The following FBXO42 variants were observed in gnomAD, a reference collection of about 807,000 sequenced individuals.
FBXO42 encodes F-box protein 42, also known as F-box only protein 42.
In FBXO42, 12 loss-of-function variants were observed where a neutral mutation model predicts 71.7. That is an observed-to-expected ratio of 0.17 (90% CI 0.11 to 0.27). FBXO42 has a LOEUF of 0.27. Among genes scored for constraint, FBXO42 ranks in the 10% least tolerant of loss-of-function variants. The pLI is 1.00. For missense variants in FBXO42, 707 were observed against 911.9 expected, an observed-to-expected ratio of 0.78 and a Z score of 2.89; for synonymous variants, 325 against 327.5, an observed-to-expected ratio of 0.99 and a Z score of 0.08.
chr1:16,316,194 A>C (rs1476712604), intron 1 of FBXO42, among the ~76,000 whole-genome samples: 2 of 151,508 alleles, frequency 1.3e-5, no homozygotes, highest in Non-Finnish European at 2.9e-5. Context: ...AAAAGAAAGA[A>C]AGAAAAGAAA....
rs538659496 is a variant in FBXO42 at position 16,258,259 on chromosome 1, C to G, written c.503-1500G>C. On this transcript the variant is annotated intron_variant, in intron 4 of 9. Transcript: ENST00000375592. ...GAGGACTGTCTTTCTTGTGATCTCA[C>G]TTAGGGGAACAATACGATTTACTGA... 1.3e-5 allele frequency among the ~76,000 whole-genome samples: 2 copies of G among 152,228 alleles called. 1 individual carries two copies. Among genetic ancestry groups the G allele is most frequent in the South Asian group, 4.1e-4 (2 of 4,824 alleles).
intron 4 of FBXO42, among the ~76,000 whole-genome samples, chr1:16,259,370 TCA>T: frequency 6.6e-6 from 1 of 152,258 alleles, no homozygotes; most frequent in East Asian, 1.9e-4. Flanking sequence ...AATAAACACA[TCA>T]CAGACTTCAG....
intron 1 of FBXO42, among the ~76,000 whole-genome samples, chr1:16,336,712 G>A (rs914472299): frequency 2.0e-4 from 31 of 151,730 alleles, no homozygotes; most frequent in African/African-American, 7.0e-4. Flanking sequence ...GGCTGGGTGC[G>A]GTGGCTCACG....
At chr1:16,314,631 A>G (rs867096203) in intron 2 of FBXO42, among the ~76,000 whole-genome samples, 2 of 152,188 alleles carry the variant, frequency 1.3e-5, no homozygotes, top group African/African-American at 4.8e-5. Flanking sequence ...GAACAATACA[A>G]TTAATCCATT....
chr1:16,273,919 C>T (rs2081871428), intron 4 of FBXO42, among the ~76,000 whole-genome samples: 1 of 152,096 alleles, frequency 6.6e-6, no homozygotes, highest in African/African-American at 2.4e-5. Context: ...TTAAGAAGCA[C>T]TCATGGTAAT....
Position 16,251,382 on chromosome 1 carries a change from G to T in FBXO42, c.1442C>A (p.Ser481Tyr). 1 of 1,614,110 alleles carries T rather than the reference G, an allele frequency of 6.2e-7. No homozygotes were observed. Among genetic ancestry groups the T allele is most frequent in the Non-Finnish European group, 8.5e-7 (1 of 1,179,960 alleles). Residue 481 changes from serine to tyrosine, a missense_variant, in exon 10 of 10, where the codon TCT becomes TAT. Coordinates refer to ENST00000375592, the MANE Select transcript of FBXO42 (RefSeq NM_018994.3). The surrounding 1 kb of genome is among the most constrained non-coding windows in gnomAD (Gnocchi z 4.5). ...TAGTGATCCTCGTCGGGGGGCCAAA[G>T]AAAGTCCTATTTTCAGGTCGTATCC... ...PEGYDLKIGL[S>Y]LAPRRGSLPD...
chr1:16,318,110 G>A (rs901916242), intron 1 of FBXO42, among the ~76,000 whole-genome samples: 4 of 151,964 alleles, frequency 2.6e-5, no homozygotes, highest in Non-Finnish European at 5.9e-5. Flanking sequence ...GAATACTCAC[G>A]CACTTCTCTA....
intron 4 of FBXO42, among the ~76,000 whole-genome samples, chr1:16,258,786 G>C (rs1180619849): frequency 6.6e-6 from 1 of 152,074 alleles, no homozygotes. Context: ...ACCCAGGCTA[G>C]AGTGCAGTGA....
intron 1 of FBXO42, among the ~76,000 whole-genome samples, chr1:16,318,758 G>A (rs2100584272): frequency 6.6e-6 from 1 of 152,272 alleles, no homozygotes; most frequent in South Asian, 2.1e-4. Flanking sequence ...GCAGGATTGG[G>A]CAAGAGGAGC....
chr1:16,324,256 C>T (rs1339624951), intron 1 of FBXO42, among the ~76,000 whole-genome samples: 3 of 152,038 alleles, frequency 2.0e-5, no homozygotes, highest in African/African-American at 7.2e-5. Context: ...AGCTTGACTG[C>T]TATCAAATAT....
Position 16,305,497 on chromosome 1 carries a change from G to A in FBXO42, c.367+306C>T, listed in dbSNP as rs76388909. Among the ~76,000 whole-genome samples, 31 of 152,260 alleles carry A rather than the reference G, an allele frequency of 2.0e-4. 1 individual carries two copies. The East Asian group carries it at 6.0e-3, about 29-fold the overall frequency. ...TCTGGGAGGCCAAGGCAGGCCTATT[G>A]CTTGAGCTCAGTTCAAGACTAGACT... On this transcript the variant is annotated intron_variant, in intron 3 of 9. Transcript: ENST00000375592.
intron 3 of FBXO42, among the ~76,000 whole-genome samples, chr1:16,296,526 T>C (rs1206231530): frequency 6.6e-5 from 10 of 151,544 alleles, no homozygotes; most frequent in African/African-American, 2.4e-4. Context: ...GGCGCATGCC[T>C]GTAATCCCAG....
At chr1:16,262,430 G>A (rs750195923) in intron 4 of FBXO42, among the ~76,000 whole-genome samples, 1 of 152,158 alleles carries the variant, frequency 6.6e-6, no homozygotes, top group Admixed American at 6.6e-5. Flanking sequence ...GATCACATGG[G>A]GTGTGGTGGC....
intron 4 of FBXO42, among the ~76,000 whole-genome samples, chr1:16,264,108 G>T (rs934914869): frequency 1.3e-5 from 2 of 152,094 alleles, no homozygotes; most frequent in Non-Finnish European, 2.9e-5. Flanking sequence ...ACCATGCCAG[G>T]CCAACAATAA....
rs185734136 is a variant in FBXO42 at position 16,305,646 on chromosome 1, G to A, written c.367+157C>T. Reference sequence around the variant, plus strand: ...GAGGATCACCTGAGCCTGGGGAGGTGGAGGCTGTAGTAAGCTGTGATTATG... The same window carrying A: ...GAGGATCACCTGAGCCTGGGGAGGTAGAGGCTGTAGTAAGCTGTGATTATG... On this transcript the variant is annotated intron_variant, in intron 3 of 9. Transcript: ENST00000375592. 3.9e-5 allele frequency among the ~76,000 whole-genome samples: 6 copies of A among 152,302 alleles called. No individual in the cohort carries two copies. In the East Asian group the frequency reaches 1.2e-3, roughly 29 times the overall value.
chr1:16,321,419 A>G (rs1569920782), intron 1 of FBXO42, among the ~76,000 whole-genome samples: 2 of 152,356 alleles, frequency 1.3e-5, no homozygotes, highest in Middle Eastern at 3.4e-3. Flanking sequence ...TTTCATGCCA[A>G]AAGAAGCCCT....
chr1:16,331,685 C>G (rs970499004), intron 1 of FBXO42, among the ~76,000 whole-genome samples: 7 of 151,126 alleles, frequency 4.6e-5, no homozygotes, highest in Non-Finnish European at 7.4e-5. Context: ...ACTAGGGAGG[C>G]GGAGGTTTCA....
Position 16,315,155 on chromosome 1 carries a change from C to G in FBXO42, c.250+14G>C, listed in dbSNP as rs1301085078. The G allele has an allele frequency of 6.3e-7, 1 of 1,589,304 alleles. No individual in the cohort carries two copies. Among genetic ancestry groups the G allele is most frequent in the East Asian group, 2.2e-5 (1 of 44,480 alleles). On this transcript the variant is annotated intron_variant, in intron 2 of 9. Transcript: ENST00000375592. ...TTGAAATCAATAAATAAACCTTTCT[C>G]CTATCCACAGTACCTTTGATAAGTC... is the stretch of plus-strand genomic sequence containing the variant.
intron 4 of FBXO42, among the ~76,000 whole-genome samples, chr1:16,282,008 C>T (rs2081968977): frequency 6.6e-6 from 1 of 151,386 alleles, no homozygotes; most frequent in Non-Finnish European, 1.5e-5. Context: ...CCAAAGGTAG[C>T]TATTTCTACA....
Sources: gnomAD v4.1 joint callset for allele counts (sites outside exome capture counted in the v4.1 genomes callset) on GRCh38, gnomAD v4.1.1 for gene constraint, Gnocchi (gnomAD v3.1) non-coding constraint, MANE v1.5 for transcripts, NCBI Gene and HGNC (gene_info 2026-07-23, HGNC 2026-07-21) for gene names.